DARS1: variants seen among roughly 807,000 people sequenced by gnomAD.
DARS1 encodes aspartyl-tRNA synthetase 1, also known as aspartate--tRNA ligase, cytoplasmic.
DARS1 carries 51 observed loss-of-function variants against 68.8 expected under a neutral mutation model. The observed-to-expected ratio is 0.74, with a 90% CI of 0.59 to 0.94. The LOEUF is 0.94. DARS1 is among the 40% of genes least tolerant of loss of function. The probability of loss-of-function intolerance (pLI) is 0.00; values close to 1 mark genes in which losing one functional copy is unlikely to be tolerated. For missense variants in DARS1, 607 were observed against 597.3 expected, an observed-to-expected ratio of 1.02 and a Z score of -0.17; for synonymous variants, 203 against 190.4, an observed-to-expected ratio of 1.07 and a Z score of -0.55.
At chr2:135,966,561 C>A (rs1682240703) in intron 3 of DARS1, among the ~76,000 whole-genome samples, 1 of 152,174 alleles carries the variant, frequency 6.6e-6, no homozygotes. Context: ...TTTGTTGAGA[C>A]AGAGTCTTGC....
rs1013833746 is a variant in DARS1 at position 135,983,976 on chromosome 2, C to T, written c.67-522G>A. 7.9e-5 allele frequency among the ~76,000 whole-genome samples: 12 copies of T among 152,106 alleles called. No homozygotes were observed. In the East Asian group the frequency reaches 1.9e-3, roughly 24 times the overall value. Reference sequence around the variant, plus strand: ...TAACTACAACTTTCCTTTTGTAAAACATCATCAAAAAATTCACCAGCTTCC... The same window carrying T: ...TAACTACAACTTTCCTTTTGTAAAATATCATCAAAAAATTCACCAGCTTCC... On this transcript the variant is annotated intron_variant, in intron 1 of 15. Coordinates refer to ENST00000264161, the MANE Select transcript of DARS1 (RefSeq NM_001349.4).
At chr2:135,918,573 CT>C (rs1408979224) in intron 10 of DARS1, among the ~76,000 whole-genome samples, 3 of 152,090 alleles carry the variant, frequency 2.0e-5, no homozygotes, top group Non-Finnish European at 4.4e-5. Context: ...CTTAACTCTA[CT>C]GAAAAAGTTC....
At chr2:135,910,039 T>C (rs1175945456) in intron 15 of DARS1, among the ~76,000 whole-genome samples, 3 of 152,162 alleles carry the variant, frequency 2.0e-5, no homozygotes, top group Admixed American at 1.3e-4. Flanking sequence ...GGATACTCAA[T>C]CTATACTTTC....
chr2:135,920,397 TAAAGGG>T, intron 10 of DARS1, 50 bp downstream of exon 10: 3 of 1,498,128 alleles, frequency 2.0e-6, no homozygotes, highest in Admixed American at 2.4e-5. Flanking sequence ...ATTTTTTTTT[TAAAGGG>T]CCCAAACATT....
Position 135,916,554 on chromosome 2 carries a change from G to A in DARS1, c.960-182C>T, listed in dbSNP as rs970657893. Among the ~76,000 whole-genome samples the A allele has an allele frequency of 5.9e-5, 9 of 152,070 alleles. No homozygotes were observed. In the South Asian group the frequency reaches 6.2e-4, roughly 11 times the overall value. Reference sequence around the variant, plus strand: ...ATATTTAACACCATTTTTCAATCTCGTTTTTGTAACCACAGTAACATCAAA... The same window carrying A: ...ATATTTAACACCATTTTTCAATCTCATTTTTGTAACCACAGTAACATCAAA... On this transcript the variant is annotated intron_variant, in intron 10 of 15. Transcript: ENST00000264161.
At chr2:135,951,774 G>A (rs1172326543) in intron 4 of DARS1, among the ~76,000 whole-genome samples, 1 of 152,114 alleles carries the variant, frequency 6.6e-6, no homozygotes, top group African/African-American at 2.4e-5. Flanking sequence ...CTTTCCCTCT[G>A]ATTTCAGACA....
intron 5 of DARS1, among the ~76,000 whole-genome samples, chr2:135,935,078 C>T (rs1253468084): frequency 1.3e-5 from 2 of 152,028 alleles, no homozygotes; most frequent in African/African-American, 2.4e-5. Flanking sequence ...CATGAGCCAC[C>T]ACGCCCGGCC....
At chr2:135,919,537 T>C (rs1271355085) in intron 10 of DARS1, among the ~76,000 whole-genome samples, 1 of 152,216 alleles carries the variant, frequency 6.6e-6, no homozygotes, top group Non-Finnish European at 1.5e-5. Flanking sequence ...TACCTAATAC[T>C]TGAAATATAG....
At chr2:135,969,785 G>C (rs1682325642) in intron 3 of DARS1, among the ~76,000 whole-genome samples, 1 of 151,966 alleles carries the variant, frequency 6.6e-6, no homozygotes, top group Admixed American at 6.6e-5. Flanking sequence ...ACTGAATTAG[G>C]GCATACTGAA....
chr2:135,967,630 G>C (rs1682265778), intron 3 of DARS1, among the ~76,000 whole-genome samples: 1 of 151,948 alleles, frequency 6.6e-6, no homozygotes, highest in Admixed American at 6.6e-5. Context: ...CTGCCCTTAA[G>C]GAAAAAATAT....
intron 3 of DARS1, among the ~76,000 whole-genome samples, chr2:135,972,609 A>G (rs1468655210): frequency 6.6e-6 from 1 of 152,196 alleles, no homozygotes; most frequent in African/African-American, 2.4e-5. Flanking sequence ...TCTGCACAGT[A>G]AAGGTAACAA....
Position 135,908,247 on chromosome 2 carries a change from G to A in DARS1, c.1415-840C>T, listed in dbSNP as rs1389164884. Among the ~76,000 whole-genome samples, 5 of 152,112 alleles carry A rather than the reference G, an allele frequency of 3.3e-5. No homozygotes were observed. In the South Asian group the frequency reaches 1.0e-3, roughly 31 times the overall value. ...AAACAATGCTTTCCTGTAGGGAGGC[G>A]AATACGCACTATTCTTTTTCCTCCT... On this transcript the variant is annotated intron_variant, in intron 15 of 15. Transcript: ENST00000264161.
intron 7 of DARS1, among the ~76,000 whole-genome samples, chr2:135,931,045 A>T (rs982734033): frequency 6.6e-6 from 1 of 152,234 alleles, no homozygotes; most frequent in African/African-American, 2.4e-5. Flanking sequence ...ACCTGCCTGT[A>T]AAGTTCAGAG....
intron 3 of DARS1, among the ~76,000 whole-genome samples, chr2:135,967,566 T>C (rs1575404990): frequency 6.6e-6 from 1 of 152,330 alleles, no homozygotes; most frequent in Admixed American, 6.5e-5. Context: ...AGGGATGTTA[T>C]ATATAAACCT....
intron 3 of DARS1, among the ~76,000 whole-genome samples, chr2:135,965,492 T>G (rs1279442229): frequency 1.3e-5 from 2 of 152,156 alleles, no homozygotes; most frequent in Non-Finnish European, 2.9e-5. Context: ...ATGCAAGTAA[T>G]GCAAGTTGAA....
chr2:135,910,621 T>C (rs1680876613), intron 15 of DARS1, among the ~76,000 whole-genome samples: 1 of 152,196 alleles, frequency 6.6e-6, no homozygotes. Flanking sequence ...ATTTTGTAAG[T>C]ACATTTTGTA....
chr2:135,979,158 A>G, intron 3 of DARS1, 116 bp downstream of exon 3: 1 of 669,116 alleles, frequency 1.5e-6, no homozygotes, highest in South Asian at 1.9e-5. Flanking sequence ...TTTAAGAAAG[A>G]AAAGTTACAT....
intron 4 of DARS1, 110 bp downstream of exon 4, chr2:135,961,286 T>C: frequency 1.5e-6 from 1 of 671,966 alleles, no homozygotes; most frequent in Non-Finnish European, 2.7e-6. Context: ...ATAACTACAT[T>C]TTTAAACAAA....
chr2:135,924,580 C>T (rs1483800012), intron 7 of DARS1, 82 bp from the exon 8 acceptor site: 5 of 1,487,076 alleles, frequency 3.4e-6, no homozygotes, highest in Non-Finnish European at 4.4e-6. Flanking sequence ...ACTGTGGAAA[C>T]CTAACAATTC....
Sources: gnomAD v4.1 joint callset for allele counts (sites outside exome capture counted in the v4.1 genomes callset) on GRCh38, gnomAD v4.1.1 for gene constraint, MANE v1.5 for transcripts, NCBI Gene and HGNC (gene_info 2026-07-23, HGNC 2026-07-21) for gene names.